The following MTUS1 variants were observed in gnomAD, a reference collection of about 807,000 sequenced individuals.
The protein encoded by MTUS1 is microtubule-associated tumor suppressor 1.
MTUS1 carries 109 observed loss-of-function variants against 120.8 expected under a neutral mutation model. The ratio of observed to expected loss-of-function variants is 0.90; its 90% CI spans 0.77 to 1.06. The LOEUF (loss-of-function observed/expected upper bound fraction) is 1.06. Among genes scored for constraint, MTUS1 ranks in the 50% least tolerant of loss-of-function variants. The probability of loss-of-function intolerance (pLI) is 0.00; values close to 1 mark genes in which losing one functional copy is unlikely to be tolerated. For missense variants in MTUS1, 2,210 were observed against 1,486.3 expected (o/e 1.49, Z -8.01); for synonymous variants, 737 against 550.5 (o/e 1.34, Z -4.74).
intron 6 of MTUS1, among the ~76,000 whole-genome samples, chr8:17,702,139 A>T (rs1311206306): frequency 6.6e-6 from 1 of 152,224 alleles, no homozygotes; most frequent in African/African-American, 2.4e-5. Flanking sequence ...ACCAATTCTG[A>T]AAAACAGAAT....
At chr8:17,710,237 T>C (rs998733153) in intron 6 of MTUS1, among the ~76,000 whole-genome samples, 5 of 152,086 alleles carry the variant, frequency 3.3e-5, no homozygotes, top group Admixed American at 1.3e-4. Flanking sequence ...TCATGAAAGA[T>C]TTCTTTGTAG....
chr8:17,708,421 T>C (rs768950344), intron 6 of MTUS1, among the ~76,000 whole-genome samples: 8 of 152,162 alleles, frequency 5.3e-5, no homozygotes, highest in Non-Finnish European at 8.8e-5. Context: ...CCAGTAGGGA[T>C]AGCTATAATA....
At chr8:17,793,263 G>C (rs559806686) in intron 1 of MTUS1, among the ~76,000 whole-genome samples, 1 of 152,238 alleles carries the variant, frequency 6.6e-6, no homozygotes, top group African/African-American at 2.4e-5. Context: ...GAAGCATCAG[G>C]AAACTTGGCA....
chr8:17,792,724 C>T (rs751164715), intron 1 of MTUS1, among the ~76,000 whole-genome samples: 5 of 152,186 alleles, frequency 3.3e-5, no homozygotes, highest in African/African-American at 7.2e-5. Flanking sequence ...ATTATCCAGG[C>T]GCGGTGGCGC....
chr8:17,665,517 C>T (rs1327813236), intron 8 of MTUS1, among the ~76,000 whole-genome samples: 2 of 83,494 alleles, frequency 2.4e-5, no homozygotes, highest in Non-Finnish European at 6.1e-5. Flanking sequence ...ACAACTCCAG[C>T]CTCTTTGTTG....
At chr8:17,712,063 G>A (rs938650572) in intron 6 of MTUS1, among the ~76,000 whole-genome samples, 1 of 152,102 alleles carries the variant, frequency 6.6e-6, no homozygotes, top group African/African-American at 2.4e-5. Context: ...TAATAATAAT[G>A]AAAAAGCTTG....
At chr8:17,743,059 C>T (rs1486324743) in intron 3 of MTUS1, among the ~76,000 whole-genome samples, 1 of 152,032 alleles carries the variant, frequency 6.6e-6, no homozygotes, top group Non-Finnish European at 1.5e-5. Context: ...AATAGCTATT[C>T]TTGAGGCGCT....
rs2048496862 is a variant in MTUS1 at position 17,755,039 on chromosome 8, CAA to C, written c.767_768del (p.Phe256CysfsTer18). ...GCACACTGATTTCCAATATCTGAAACAAAAACCTCACTTTGCATCACCACATC... is the reference window on the plus strand; with the variant it reads ...GCACACTGATTTCCAATATCTGAAACAAACCTCACTTTGCATCACCACATC... ...FSDVVMQSEVFVSDIGNQCAC... is the reference protein window; with the variant it reads ...FSDVVMQSEVXVSDIGNQCAC... On this transcript the variant is annotated frameshift_variant, in exon 2 of 15. Coordinates refer to ENST00000693296, the MANE Select transcript of MTUS1 (RefSeq NM_001363059.2). LOFTEE classifies it high-confidence loss of function. 6.2e-7 allele frequency: 1 copy of C among 1,613,730 alleles called. No homozygotes were observed.
intron 5 of MTUS1, among the ~76,000 whole-genome samples, chr8:17,715,201 T>A (rs546423043): frequency 6.6e-6 from 1 of 152,092 alleles, no homozygotes; most frequent in Non-Finnish European, 1.5e-5. Flanking sequence ...CCACCGCATG[T>A]GGCACAAAGA....
At position 17,711,261 on chromosome 8, in the gene MTUS1, T is replaced by C. The variant is rs148839377; in HGVS notation, c.2623+1953A>G. ...TGTGCAAGTCCTAAACAGCATCTTCTTTCAATATGAGGCTGTTTCACCTAC... is the reference window on the plus strand; with the variant it reads ...TGTGCAAGTCCTAAACAGCATCTTCCTTCAATATGAGGCTGTTTCACCTAC... On this transcript the variant is annotated intron_variant, in intron 6 of 14. Transcript: ENST00000693296. Among the ~76,000 whole-genome samples, 201 of 152,322 alleles carry C rather than the reference T, an allele frequency of 1.3e-3. 1 individual carries two copies. The highest frequency in any genetic ancestry group is 4.6e-3 in the African/African-American group (191 of 41,574).
At chr8:17,667,813 C>A (rs193206496) in intron 8 of MTUS1, among the ~76,000 whole-genome samples, 199 of 152,248 alleles carry the variant, frequency 1.3e-3, no homozygotes, top group African/African-American at 4.6e-3. Flanking sequence ...CTCTGAGCCA[C>A]AATTTATTTT....
intron 1 of MTUS1, among the ~76,000 whole-genome samples, chr8:17,795,741 G>C (rs1006870819): frequency 6.6e-6 from 1 of 152,004 alleles, no homozygotes; most frequent in Admixed American, 6.6e-5. Context: ...CCGGGTTCAA[G>C]TGATTCTCCT....
At chr8:17,748,389 G>A (rs1051150824) in intron 2 of MTUS1, among the ~76,000 whole-genome samples, 1 of 152,134 alleles carries the variant, frequency 6.6e-6, no homozygotes, top group Non-Finnish European at 1.5e-5. Flanking sequence ...GTGTCCATGT[G>A]ACCCAATTCT....
intron 8 of MTUS1, 129 bp from the exon 9 acceptor site, chr8:17,656,194 C>T: frequency 1.3e-6 from 1 of 789,836 alleles, no homozygotes; most frequent in Non-Finnish European, 2.1e-6. Flanking sequence ...TCTCTAGTGA[C>T]CATGTCTTCA....
intron 1 of MTUS1, among the ~76,000 whole-genome samples, chr8:17,796,641 T>A (rs927611783): frequency 2.0e-5 from 3 of 152,164 alleles, no homozygotes; most frequent in East Asian, 3.9e-4. Flanking sequence ...GGAAGTCTCT[T>A]TTACCATTTC....
intron 4 of MTUS1, among the ~76,000 whole-genome samples, chr8:17,719,949 T>C (rs1256268509): frequency 1.3e-5 from 2 of 152,168 alleles, no homozygotes; most frequent in Non-Finnish European, 2.9e-5. Flanking sequence ...GCAAGGACTT[T>C]GAAGATGACC....
chr8:17,791,466 C>G lies in MTUS1; in HGVS notation c.-155+9595G>C, dbSNP rs572610196. The stretch of plus-strand genomic sequence containing the variant: ...GGGAACCTTAGTACTGTAATATCCA[C>G]AAGTCCAAGATTAGTTCAAAGTGAT... On this transcript the variant is annotated intron_variant, in intron 1 of 14. Transcript: ENST00000693296. 2.3e-3 allele frequency among the ~76,000 whole-genome samples: 351 copies of G among 152,330 alleles called. 1 individual carries two copies. The highest frequency in any genetic ancestry group is 3.1e-3 in the South Asian group (15 of 4,824).
chr8:17,729,469 A>C (rs2046416625), intron 3 of MTUS1, among the ~76,000 whole-genome samples: 1 of 152,194 alleles, frequency 6.6e-6, no homozygotes, highest in African/African-American at 2.4e-5. Flanking sequence ...TGCCAGGAAA[A>C]AACAGAAAAA....
At chr8:17,707,465 G>C (rs1820403827) in intron 6 of MTUS1, among the ~76,000 whole-genome samples, 1 of 151,930 alleles carries the variant, frequency 6.6e-6, no homozygotes, top group Non-Finnish European at 1.5e-5. Context: ...TTATGGTTTC[G>C]GGAAAATACA....
Sources: gnomAD v4.1 joint callset for allele counts (sites outside exome capture counted in the v4.1 genomes callset) on GRCh38, gnomAD v4.1.1 for gene constraint, MANE v1.5 for transcripts, NCBI Gene and HGNC (gene_info 2026-07-23, HGNC 2026-07-21) for gene names.